The following C3orf70 variants were observed in gnomAD, a reference collection of about 807,000 sequenced individuals.
The protein encoded by C3orf70 is chromosome 3 open reading frame 70.
In C3orf70, 15 loss-of-function variants were observed where a neutral mutation model predicts 20.7. The ratio of observed to expected loss-of-function variants is 0.72; its 90% CI spans 0.48 to 1.11. C3orf70 has a LOEUF of 1.11. C3orf70 is among the 50% of genes most tolerant of loss of function. The probability of loss-of-function intolerance (pLI) is 0.00; values close to 1 mark genes in which losing one functional copy is unlikely to be tolerated. For synonymous variants in C3orf70, 161 were observed against 125.7 expected (o/e 1.28, Z -1.88); for missense variants, 332 against 317.6 (o/e 1.05, Z -0.34).
At chr3:185,114,504 T>C (rs1716137531) in intron 1 of C3orf70, among the ~76,000 whole-genome samples, 1 of 152,172 alleles carries the variant, frequency 6.6e-6, no homozygotes, top group Non-Finnish European at 1.5e-5. Context: ...AATCTTGATT[T>C]TAATGATTAA....
chr3:185,086,539 T>C (rs1715462130), intron 1 of C3orf70, among the ~76,000 whole-genome samples: 1 of 151,966 alleles, frequency 6.6e-6, no homozygotes, highest in South Asian at 2.1e-4. Flanking sequence ...ATGAGCGTCC[T>C]CATCAGACAC....
Position 185,152,840 on chromosome 3 carries a change from C to G in C3orf70, c.-17G>C. On this transcript the variant is annotated 5_prime_UTR_variant, in exon 1 of 2. Transcript: ENST00000335012. ...CGCACTCATTTCCTCTCCCTCCGCGCGGAGCCGACACCGGGAGCCCGGGAG... is the reference window on the plus strand; with the variant it reads ...CGCACTCATTTCCTCTCCCTCCGCGGGGAGCCGACACCGGGAGCCCGGGAG... 1 of 1,512,796 alleles carries G rather than the reference C, an allele frequency of 6.6e-7. No homozygotes were observed. The highest frequency in any genetic ancestry group is 8.9e-7 in the Non-Finnish European group (1 of 1,125,808). 93.7% of individuals were successfully genotyped at this position (1,512,796 alleles called of 1,614,324 possible).
In C3orf70 at chr3:185,077,890, A is replaced by G. The variant is rs937384879; in HGVS notation, c.*5117T>C. 6.6e-6 allele frequency among the ~76,000 whole-genome samples: 1 copy of G among 151,856 alleles called. No homozygotes were observed. Among genetic ancestry groups the G allele is most frequent in the African/African-American group, 2.4e-5 (1 of 41,312 alleles). On this transcript the variant is annotated 3_prime_UTR_variant, in exon 2 of 2. Transcript: ENST00000335012. ...TCTGAGTAGATACTGCGGACAGTAC[A>G]GTTTATCTGCACCTCATTGAGGTCT... is the stretch of plus-strand genomic sequence containing the variant.
At chr3:185,149,282 C>G (rs1358781985) in intron 1 of C3orf70, among the ~76,000 whole-genome samples, 6 of 151,342 alleles carry the variant, frequency 4.0e-5, no homozygotes, top group Admixed American at 1.3e-4. Context: ...ATTCCAGCTA[C>G]TTGGGAGGCT....
intron 1 of C3orf70, among the ~76,000 whole-genome samples, chr3:185,121,542 A>C (rs1716296808): frequency 6.6e-6 from 1 of 152,114 alleles, no homozygotes; most frequent in African/African-American, 2.4e-5. Flanking sequence ...GGGTATGAGA[A>C]CACTCAACGC....
intron 1 of C3orf70, among the ~76,000 whole-genome samples, chr3:185,087,799 A>G (rs1275131522): frequency 6.6e-6 from 1 of 152,206 alleles, no homozygotes; most frequent in Non-Finnish European, 1.5e-5. Flanking sequence ...AAAAATGGTT[A>G]AGATGGTAAT....
intron 1 of C3orf70, among the ~76,000 whole-genome samples, chr3:185,084,247 T>C (rs1163687683): frequency 6.6e-6 from 1 of 152,110 alleles, no homozygotes; most frequent in African/African-American, 2.4e-5. Flanking sequence ...TCCATGTTTA[T>C]CTCTAATAAT....
intron 1 of C3orf70, among the ~76,000 whole-genome samples, chr3:185,109,326 G>A (rs1346207832): frequency 6.6e-6 from 1 of 152,184 alleles, no homozygotes; most frequent in African/African-American, 2.4e-5. Flanking sequence ...AATAACTTGG[G>A]GTAGAGGTTA....
At chr3:185,087,953 G>A (rs1306421276) in intron 1 of C3orf70, among the ~76,000 whole-genome samples, 2 of 144,840 alleles carry the variant, frequency 1.4e-5, no homozygotes, top group Non-Finnish European at 3.0e-5. Flanking sequence ...TCTCTGCTGC[G>A]CAGGCTGGAG....
chr3:185,083,002 G>C lies in C3orf70; in HGVS notation c.*5C>G, dbSNP rs1395533722. On this transcript the variant is annotated 3_prime_UTR_variant, in exon 2 of 2. Coordinates refer to ENST00000335012, the MANE Select transcript of C3orf70 (RefSeq NM_001025266.3). ...GTCCGAGGCTGTGGCTTCCTGTCTG[G>C]ACTCTCACACAGTCGTTTCTATCGT... 1.2e-6 allele frequency: 2 copies of C among 1,610,338 alleles called. No individual in the cohort carries two copies. The highest frequency in any genetic ancestry group is 1.3e-5 in the African/African-American group (1 of 74,790).
At chr3:185,128,335 C>G (rs565390406) in intron 1 of C3orf70, among the ~76,000 whole-genome samples, 2 of 152,210 alleles carry the variant, frequency 1.3e-5, no homozygotes, top group East Asian at 3.9e-4. Context: ...CGAGGCCAGT[C>G]TGGCCAACAT....
intron 1 of C3orf70, among the ~76,000 whole-genome samples, chr3:185,117,777 T>C (rs1354296849): frequency 2.6e-5 from 4 of 152,212 alleles, no homozygotes; most frequent in African/African-American, 9.6e-5. Context: ...AGCTTGTCTT[T>C]TCCTTCTCCC....
At chr3:185,138,697 C>T (rs936158383) in intron 1 of C3orf70, among the ~76,000 whole-genome samples, 4 of 152,016 alleles carry the variant, frequency 2.6e-5, no homozygotes, top group African/African-American at 9.7e-5. Context: ...AACTTAATAC[C>T]CATTCAAGAT....
At chr3:185,095,878 AGGT>A (rs1561334263) in intron 1 of C3orf70, among the ~76,000 whole-genome samples, 9 of 151,848 alleles carry the variant, frequency 5.9e-5, no homozygotes, top group Non-Finnish European at 8.8e-5. Context: ...CTGCGACTAT[AGGT>A]GCGTGCCACC....
chr3:185,151,477 T>C (rs1174917682), intron 1 of C3orf70, among the ~76,000 whole-genome samples: 2 of 151,968 alleles, frequency 1.3e-5, no homozygotes, highest in Admixed American at 1.3e-4. Flanking sequence ...ACAGGAATAA[T>C]GAGAAATAGG....
At position 185,140,719 on chromosome 3, in the gene C3orf70, C is replaced by A. The variant is rs556648392; in HGVS notation, c.196+11909G>T. ...ATCCCAGCACTTTGGGAAGCCCAGG[C>A]GGATGGATCACTTGAGTCCAGGAGT... On this transcript the variant is annotated intron_variant, in intron 1 of 1. Transcript: ENST00000335012. Among the ~76,000 whole-genome samples, 6 of 148,484 alleles carry A rather than the reference C, an allele frequency of 4.0e-5. No homozygotes were observed. In the South Asian group the frequency reaches 1.3e-3, roughly 32 times the overall value.
chr3:185,114,317 AG>A (rs1716134368), intron 1 of C3orf70, among the ~76,000 whole-genome samples: 1 of 152,216 alleles, frequency 6.6e-6, no homozygotes, highest in Non-Finnish European at 1.5e-5. Flanking sequence ...TTAAATTAAA[AG>A]GAGTCAAGTA....
chr3:185,126,447 G>A (rs1251183896), intron 1 of C3orf70, among the ~76,000 whole-genome samples: 1 of 152,096 alleles, frequency 6.6e-6, no homozygotes, highest in Non-Finnish European at 1.5e-5. Flanking sequence ...AACAGATATA[G>A]AACAGCATCA....
Position 185,091,949 on chromosome 3 carries a change from ATATATATATATATATTTT to A in C3orf70, c.197-8404_197-8387del, listed in dbSNP as rs1561330969. 4.3e-3 allele frequency among the ~76,000 whole-genome samples: 35 copies of A among 8,126 alleles called. 3 individuals carry two copies. Among genetic ancestry groups the A allele is most frequent in the East Asian group, 0.01 (4 of 400 alleles). The allele number at this position is 8,126 out of a possible 152,430, so 5.3% of individuals were successfully genotyped here. ...TATATATATATATATATATATATAT[ATATATATATATATATTTT>A]TTTTTTTTTTTAGTAGAGACAGGGT... On this transcript the variant is annotated intron_variant, in intron 1 of 1. Transcript: ENST00000335012.
Sources: gnomAD v4.1 joint callset for allele counts (sites outside exome capture counted in the v4.1 genomes callset) on GRCh38, gnomAD v4.1.1 for gene constraint, MANE v1.5 for transcripts, NCBI Gene and HGNC (gene_info 2026-07-23, HGNC 2026-07-21) for gene names.